Variants in TBC1D24 observed in about 807,000 individuals in gnomAD.
The protein encoded by TBC1D24 is TBC1 domain family member 24.
A neutral mutation model predicts 50.7 loss-of-function variants in TBC1D24; 47 were observed. That is an observed-to-expected ratio of 0.93 (90% CI 0.73 to 1.18). The LOEUF is 1.18. TBC1D24 is among the 50% of genes most tolerant of loss of function. The pLI is 0.00. For missense variants in TBC1D24, 688 were observed against 766.5 expected, an observed-to-expected ratio of 0.90 and a Z score of 1.21; for synonymous variants, 324 against 335.2, an observed-to-expected ratio of 0.97 and a Z score of 0.36.
chr16:2,496,672 C>T lies in TBC1D24; in HGVS notation c.524C>T (p.Ala175Val). The T allele has an allele frequency of 6.2e-7, 1 of 1,613,220 alleles. No individual in the cohort carries two copies. Among genetic ancestry groups the T allele is most frequent in the Non-Finnish European group, 8.5e-7 (1 of 1,180,024 alleles). Residue 175 changes from alanine to valine, a missense_variant, in exon 2 of 8, where the codon GCC becomes GTC. Ala to Val is a moderately conservative substitution (Grantham distance 64). Coordinates refer to ENST00000646147, the MANE Select transcript of TBC1D24 (RefSeq NM_001199107.2). ...GRRLIDQSFL[A>V]FESSCMTFGD... ...AGGCTGATCGACCAGAGCTTCCTGG[C>T]CTTTGAGTCGTCCTGCATGACGTTT...
chr16:2,493,178 G>A (rs991361260), intron 1 of TBC1D24, among the ~76,000 whole-genome samples: 4 of 151,748 alleles, frequency 2.6e-5, no homozygotes, highest in Non-Finnish European at 4.4e-5. Flanking sequence ...TTGCTCTGTC[G>A]CCTGGGCTGG....
Position 2,498,346 on chromosome 16 carries a change from C to A in TBC1D24, c.1092C>A (p.Cys364Ter). The A allele has an allele frequency of 1.2e-6, 2 of 1,609,884 alleles. No homozygotes were observed. The highest frequency in any genetic ancestry group is 1.7e-6 in the Non-Finnish European group (2 of 1,178,148). The change falls in exon 4 of 8, where the codon TGC (cysteine) becomes TGA (stop). Residue 364 changes from cysteine (C) to a stop codon, truncating the protein, a stop_gained. Transcript: ENST00000646147. LOFTEE classifies it high-confidence loss of function. ...GGGTCCCCGAGCGCTTTGCCCTGTGCCAGCCCCTTCTGCTGTTCTCCTCCC... is the reference window on the plus strand; with the variant it reads ...GGGTCCCCGAGCGCTTTGCCCTGTGACAGCCCCTTCTGCTGTTCTCCTCCC... ...WSWVPERFAL[C>*]QPLLLFSSLQ...
At chr16:2,476,254 C>T (rs568064494) in intron 1 of TBC1D24, among the ~76,000 whole-genome samples, 3 of 152,344 alleles carry the variant, frequency 2.0e-5, no homozygotes, top group African/African-American at 4.8e-5. Context: ...GTCCTCAGCA[C>T]ACAGTAGGCA....
chr16:2,488,331 T>C (rs1053899478), intron 1 of TBC1D24, among the ~76,000 whole-genome samples: 2 of 151,912 alleles, frequency 1.3e-5, no homozygotes, highest in African/African-American at 2.4e-5. Context: ...GGTGGGGGTC[T>C]GCAAGCCTGT....
intron 3 of TBC1D24, 45 bp downstream of exon 3, chr16:2,497,772 C>T (rs1359767136): frequency 6.5e-7 from 1 of 1,530,496 alleles, no homozygotes; most frequent in Non-Finnish European, 8.8e-7. Flanking sequence ...TGTCTTTCCA[C>T]CAGGCTGACT....
At chr16:2,477,219 G>C (rs546666366) in intron 1 of TBC1D24, 1 of 152,176 alleles carries the variant, frequency 6.6e-6, no homozygotes, top group African/African-American at 2.4e-5. Context: ...CAAAACCTCA[G>C]GCTTTTTACT....
chr16:2,502,619 C>T lies in TBC1D24; in HGVS notation c.*1661C>T, dbSNP rs939580981. On this transcript the variant is annotated 3_prime_UTR_variant, in exon 8 of 8. Coordinates refer to ENST00000646147, the MANE Select transcript of TBC1D24 (RefSeq NM_001199107.2). ...GCTTTGGGCAAGCTGACAAACCCGT[C>T]TGGAACTCAGTTTCCCCAGCTGTGA... 13 of 152,660 alleles carry T rather than the reference C, an allele frequency of 8.5e-5. No homozygotes were observed. The highest frequency in any genetic ancestry group is 3.1e-4 in the African/African-American group (13 of 41,464). The allele number at this position is 152,660 out of a possible 1,614,324, so 9.5% of individuals were successfully genotyped here. A position where few individuals can be genotyped will look rare whatever the true frequency, so the allele number is the denominator to read the frequency against.
chr16:2,499,341 C>T lies in TBC1D24; in HGVS notation c.1143-16C>T, dbSNP rs776751258. The T allele has an allele frequency of 1.9e-6, 3 of 1,610,270 alleles. No individual in the cohort carries two copies. The highest frequency in any genetic ancestry group is 1.7e-5 in the Admixed American group (1 of 59,466). On this transcript the variant is annotated splice_polypyrimidine_tract_variant and intron_variant, in intron 4 of 7. Coordinates refer to ENST00000646147, the MANE Select transcript of TBC1D24 (RefSeq NM_001199107.2). This position sits in a 1 kb window ranked among gnomAD's most constrained non-coding sequence, Gnocchi z 4.0. ...GGTGTGCAGGGTGACAGCTGGCATGCGTGTCTCTACGCCAGGTTCTACTTC... is the reference window on the plus strand; with the variant it reads ...GGTGTGCAGGGTGACAGCTGGCATGTGTGTCTCTACGCCAGGTTCTACTTC...
intron 1 of TBC1D24, among the ~76,000 whole-genome samples, chr16:2,490,087 A>G (rs1411720727): frequency 2.0e-5 from 3 of 152,066 alleles, no homozygotes; most frequent in East Asian, 1.9e-4. Context: ...GCTCAATGTC[A>G]TCTCCTGGGA....
chr16:2,497,362 G>A (rs1418524555), intron 2 of TBC1D24, among the ~76,000 whole-genome samples: 1 of 152,198 alleles, frequency 6.6e-6, no homozygotes, highest in Non-Finnish European at 1.5e-5. Flanking sequence ...TGGCCATGGG[G>A]TCGCAAGGCA....
At position 2,499,369 on chromosome 16, in the gene TBC1D24, G is replaced by C; in HGVS notation, c.1155G>C (p.Gln385His). The change falls in exon 5 of 8, where the codon CAG becomes CAC. Residue 385 changes from glutamine (Q) to histidine (H), a missense_variant. By Grantham distance (24) the Gln-to-His change is conservative (BLOSUM62 0). Coordinates refer to ENST00000646147, the MANE Select transcript of TBC1D24 (RefSeq NM_001199107.2). The surrounding 1 kb of genome is among the most constrained non-coding windows in gnomAD (Gnocchi z 4.0). ...HGYSLARFYF[Q>H]CEGHEPTLLL... Reference sequence around the variant, plus strand: ...GTCTCTACGCCAGGTTCTACTTCCAGTGTGAAGGACATGAGCCTACCCTCT... The same window carrying C: ...GTCTCTACGCCAGGTTCTACTTCCACTGTGAAGGACATGAGCCTACCCTCT... The C allele has an allele frequency of 6.2e-7, 1 of 1,613,488 alleles. No homozygotes were observed. Among genetic ancestry groups the C allele is most frequent in the Non-Finnish European group, 8.5e-7 (1 of 1,179,818 alleles).
intron 1 of TBC1D24, among the ~76,000 whole-genome samples, chr16:2,494,475 T>C (rs2065721329): frequency 6.6e-6 from 1 of 151,418 alleles, no homozygotes; most frequent in Non-Finnish European, 1.5e-5. Context: ...TCTTCTCAAC[T>C]GGGGGTTCCT....
chr16:2,489,293 G>C (rs959715300), intron 1 of TBC1D24, among the ~76,000 whole-genome samples: 1 of 151,644 alleles, frequency 6.6e-6, no homozygotes, highest in Non-Finnish European at 1.5e-5. Flanking sequence ...TTAGCCGGGC[G>C]TGGTGGTGGG....
chr16:2,499,378 A>G lies in TBC1D24; in HGVS notation c.1164A>G (p.Gly388=). 6.2e-7 allele frequency: 1 copy of G among 1,613,634 alleles called. No individual in the cohort carries two copies. The highest frequency in any genetic ancestry group is 8.5e-7 in the Non-Finnish European group (1 of 1,179,874). The change falls in exon 5 of 8, where the codon GGA becomes GGG. Residue 388 remains glycine (G), a synonymous_variant. Transcript: ENST00000646147. The surrounding 1 kb of genome is among the most constrained non-coding windows in gnomAD (Gnocchi z 4.0). ...CCAGGTTCTACTTCCAGTGTGAAGG[A>G]CATGAGCCTACCCTCTTGCTCATCA... The part of the protein sequence containing the change: ...SLARFYFQCE[G]HEPTLLLIKT...
At chr16:2,495,033 CAA>C (rs1491213710) in intron 1 of TBC1D24, among the ~76,000 whole-genome samples, 4 of 149,480 alleles carry the variant, frequency 2.7e-5, no homozygotes, top group African/African-American at 1.0e-4. Flanking sequence ...CACACACACA[CAA>C]AATAAATAAT....
At chr16:2,492,122 G>C (rs2065700247) in intron 1 of TBC1D24, among the ~76,000 whole-genome samples, 1 of 152,168 alleles carries the variant, frequency 6.6e-6, no homozygotes, top group Non-Finnish European at 1.5e-5. Context: ...TTACAGATGT[G>C]AGCCCCTTTG....
At chr16:2,492,145 TG>T (rs1178892460) in intron 1 of TBC1D24, among the ~76,000 whole-genome samples, 1 of 152,172 alleles carries the variant, frequency 6.6e-6, no homozygotes, top group Non-Finnish European at 1.5e-5. Context: ...GGCCTGGACC[TG>T]GTTTTTATAG....
Position 2,485,321 on chromosome 16 carries a change from G to A in TBC1D24, c.-116+10151G>A, listed in dbSNP as rs2141857920. 6.6e-6 allele frequency: 1 copy of A among 152,298 alleles called. No individual in the cohort carries two copies. Among genetic ancestry groups the A allele is most frequent in the South Asian group, 2.1e-4 (1 of 4,816 alleles). The allele number at this position is 152,298 out of a possible 1,614,324, so 9.4% of individuals were successfully genotyped here. A position where few individuals can be genotyped will look rare whatever the true frequency, so the allele number is the denominator to read the frequency against. On this transcript the variant is annotated intron_variant, in intron 1 of 7. Transcript: ENST00000646147. The surrounding 1 kb of genome is among the most constrained non-coding windows in gnomAD (Gnocchi z 4.6). ...AGGTGGAAGGTCAAGTTGATTGCCA[G>A]TGGGGTAATCAGTTATGCCTACTTA...
rs762100673 is a variant in TBC1D24, at chr16:2,496,647, A to C, written c.499A>C (p.Arg167=). ...CCTGGCCTGCAATGACCCCGGCAGG[A>C]GGCTGATCGACCAGAGCTTCCTGGC... is the stretch of plus-strand genomic sequence containing the variant. ...RILACNDPGR[R]LIDQSFLAFE... The change falls in exon 2 of 8, where the codon AGG becomes CGG. Residue 167 remains arginine (R), a synonymous_variant. Transcript: ENST00000646147. 6.2e-7 allele frequency: 1 copy of C among 1,612,642 alleles called. No individual in the cohort carries two copies. Among genetic ancestry groups the C allele is most frequent in the Non-Finnish European group, 8.5e-7 (1 of 1,180,018 alleles).
Sources: gnomAD v4.1 joint callset for allele counts (sites outside exome capture counted in the v4.1 genomes callset) on GRCh38, gnomAD v4.1.1 for gene constraint, Gnocchi (gnomAD v3.1) non-coding constraint, MANE v1.5 for transcripts, NCBI Gene and HGNC (gene_info 2026-07-23, HGNC 2026-07-21) for gene names.